Variants in NRP1 observed in about 807,000 individuals in gnomAD.
The protein encoded by NRP1 is neuropilin-1.
In NRP1, 35 loss-of-function variants were observed where a neutral mutation model predicts 106.7. The observed-to-expected ratio is 0.33, with a 90% CI of 0.25 to 0.43. NRP1 has a LOEUF of 0.43. Ranked by LOEUF, NRP1 falls within the 20% of genes least tolerant of loss-of-function variation. NRP1 has a pLI of 1.00. For missense variants in NRP1, 1,024 were observed against 1,170.4 expected (o/e 0.87, Z 1.83); for synonymous variants, 437 against 417.9 (o/e 1.05, Z -0.56).
intron 2 of NRP1, among the ~76,000 whole-genome samples, chr10:33,280,152 AT>A (rs1844009725): frequency 6.6e-6 from 1 of 152,222 alleles, no homozygotes; most frequent in Non-Finnish European, 1.5e-5. Context: ...TGGAATCTAA[AT>A]TTCTTGTTTC....
In NRP1 at chr10:33,180,197, C is replaced by T. The variant is rs1454813225; in HGVS notation, c.2651G>A (p.Trp884Ter). The change falls in exon 17 of 17, where the codon TGG becomes TAG. Residue 884 changes from tryptophan (W) to a stop codon, truncating the protein, a stop_gained. Transcript: ENST00000374867. LOFTEE classifies it high-confidence loss of function. ...VCGVVLYCAC[W>*]HNGMSERNLS... ...GTTTCTTTCTGACATCCCATTATGC[C>T]AACAGGCACAGTACAGCACGACCCC... is the stretch of plus-strand genomic sequence containing the variant. 1 of 1,614,086 alleles carries T rather than the reference C, an allele frequency of 6.2e-7. No homozygotes were observed.
At chr10:33,225,985 T>C in intron 7 of NRP1, 149 bp downstream of exon 7, 1 of 846,396 alleles carries the variant, frequency 1.2e-6, no homozygotes, top group Non-Finnish European at 1.8e-6. Context: ...TGAGACCCCT[T>C]GGTTAGATTT....
intron 6 of NRP1, among the ~76,000 whole-genome samples, chr10:33,252,198 C>T (rs1225890978): frequency 1.3e-5 from 2 of 152,040 alleles, no homozygotes; most frequent in Non-Finnish European, 1.5e-5. Context: ...GGAGTTTGAC[C>T]GGAGCTGTTG....
chr10:33,283,318 A>AT (rs1394370582), intron 2 of NRP1, among the ~76,000 whole-genome samples: 2 of 152,192 alleles, frequency 1.3e-5, no homozygotes, highest in Non-Finnish European at 2.9e-5. Flanking sequence ...ATTCTGATAC[A>AT]TTCATGCTTA....
intron 6 of NRP1, among the ~76,000 whole-genome samples, chr10:33,251,151 T>C (rs1005339190): frequency 2.6e-5 from 4 of 152,162 alleles, no homozygotes; most frequent in African/African-American, 7.2e-5. Flanking sequence ...TGATAGTGGG[T>C]GAGTTCTCAT....
chr10:33,204,770 C>G (rs1320872886), intron 10 of NRP1, among the ~76,000 whole-genome samples: 1 of 152,004 alleles, frequency 6.6e-6, no homozygotes, highest in Non-Finnish European at 1.5e-5. Context: ...TCACTCTTGT[C>G]ACCCAGGCTG....
intron 6 of NRP1, among the ~76,000 whole-genome samples, chr10:33,227,057 CA>C (rs1386974983): frequency 1.3e-5 from 2 of 152,184 alleles, no homozygotes; most frequent in Non-Finnish European, 2.9e-5. Context: ...TTTTTGTCCA[CA>C]AAAGACAGCA....
chr10:33,316,695 G>A (rs1390673916), intron 2 of NRP1, among the ~76,000 whole-genome samples: 1 of 152,204 alleles, frequency 6.6e-6, no homozygotes, highest in Admixed American at 6.5e-5. Context: ...AGCACCATGA[G>A]ATGCAGGAGA....
intron 2 of NRP1, among the ~76,000 whole-genome samples, chr10:33,277,605 G>C (rs1421392711): frequency 2.6e-5 from 4 of 152,224 alleles, no homozygotes; most frequent in Non-Finnish European, 4.4e-5. Flanking sequence ...AAGAAATAGA[G>C]AGGCTGGGCC....
intron 7 of NRP1, among the ~76,000 whole-genome samples, chr10:33,222,778 G>A (rs1028123903): frequency 2.6e-5 from 4 of 152,144 alleles, no homozygotes; most frequent in Admixed American, 6.6e-5. Context: ...TCCTGCCTCC[G>A]TCTCCCAAAG....
intron 2 of NRP1, among the ~76,000 whole-genome samples, chr10:33,324,664 T>C (rs530168588): frequency 6.6e-6 from 1 of 152,138 alleles, no homozygotes; most frequent in Non-Finnish European, 1.5e-5. Flanking sequence ...GAGACGGAGT[T>C]TTGCTCCTGT....
chr10:33,307,794 G>A (rs751514411), intron 2 of NRP1, among the ~76,000 whole-genome samples: 1 of 152,106 alleles, frequency 6.6e-6, no homozygotes, highest in Non-Finnish European at 1.5e-5. Flanking sequence ...TTAGAAAGAT[G>A]TGATTTACCA....
intron 13 of NRP1, among the ~76,000 whole-genome samples, chr10:33,189,274 T>A (rs1164411223): frequency 6.6e-6 from 1 of 152,164 alleles, no homozygotes; most frequent in Non-Finnish European, 1.5e-5. Flanking sequence ...GTTCCCAAAG[T>A]CATGCACACT....
At chr10:33,191,481 T>G (rs1427262232) in intron 13 of NRP1, among the ~76,000 whole-genome samples, 5 of 152,206 alleles carry the variant, frequency 3.3e-5, no homozygotes, top group Non-Finnish European at 7.3e-5. Flanking sequence ...AATTGTTTCT[T>G]TAGTTGTAAA....
chr10:33,319,755 T>G lies in NRP1; in HGVS notation c.248+10953A>C, dbSNP rs568108573. 2.0e-4 allele frequency among the ~76,000 whole-genome samples: 31 copies of G among 151,370 alleles called. No individual in the cohort carries two copies. The East Asian group carries it at 5.6e-3, about 27-fold the overall frequency. On this transcript the variant is annotated intron_variant, in intron 2 of 16. Coordinates refer to ENST00000374867, the MANE Select transcript of NRP1 (RefSeq NM_003873.7). ...GTGCCAGCCACCATGCCTGGCTAATTTTTTGTATTTTTAGTGGAGACGGGG... is the reference window on the plus strand; with the variant it reads ...GTGCCAGCCACCATGCCTGGCTAATGTTTTGTATTTTTAGTGGAGACGGGG...
At chr10:33,308,805 A>G (rs1352815170) in intron 2 of NRP1, among the ~76,000 whole-genome samples, 2 of 152,158 alleles carry the variant, frequency 1.3e-5, no homozygotes, top group Non-Finnish European at 2.9e-5. Flanking sequence ...TTTTTAAAAA[A>G]TGCATATTTC....
At chr10:33,316,000 C>T (rs1346062607) in intron 2 of NRP1, among the ~76,000 whole-genome samples, 1 of 152,182 alleles carries the variant, frequency 6.6e-6, no homozygotes, top group Non-Finnish European at 1.5e-5. Context: ...CTTATCTGCC[C>T]TTATCTCCTT....
chr10:33,227,733 A>ATC (rs1839784423), intron 6 of NRP1, among the ~76,000 whole-genome samples: 1 of 152,046 alleles, frequency 6.6e-6, no homozygotes, highest in Admixed American at 6.6e-5. Flanking sequence ...GGTGACTGAA[A>ATC]TCTCGAGGGT....
At chr10:33,198,638 C>T (rs1836986059) in intron 11 of NRP1, among the ~76,000 whole-genome samples, 1 of 152,054 alleles carries the variant, frequency 6.6e-6, no homozygotes, top group African/African-American at 2.4e-5. Context: ...TAAACTTGAC[C>T]TCAACCTCTA....
Sources: allele counts gnomAD v4.1 joint callset (sites outside exome capture counted in the v4.1 genomes callset), GRCh38; gene constraint gnomAD v4.1.1; transcripts MANE v1.5; gene names NCBI Gene and HGNC (gene_info 2026-07-23, HGNC 2026-07-21).